CA8: variants seen among roughly 807,000 people sequenced by gnomAD.
CA8 encodes carbonic anhydrase 8 (inactive), also known as carbonic anhydrase-related protein.
In CA8, 22 loss-of-function variants were observed where a neutral mutation model predicts 41.4. The ratio of observed to expected loss-of-function variants is 0.53; its 90% CI spans 0.38 to 0.76. CA8 has a LOEUF of 0.76. CA8 is among the 30% of genes least tolerant of loss of function. CA8 has a pLI of 0.00. For synonymous variants in CA8, 121 were observed against 130.6 expected, an observed-to-expected ratio of 0.93 and a Z score of 0.50; for missense variants, 270 against 352.8, an observed-to-expected ratio of 0.77 and a Z score of 1.88.
At chr8:60,193,764 G>A (rs1054100558) in intron 8 of CA8, among the ~76,000 whole-genome samples, 1 of 152,074 alleles carries the variant, frequency 6.6e-6, no homozygotes, top group Non-Finnish European at 1.5e-5. Flanking sequence ...ATGGTGTCTT[G>A]GTGTGAGTGT....
chr8:60,267,545 G>C (rs1182966927), intron 2 of CA8, among the ~76,000 whole-genome samples: 1 of 152,122 alleles, frequency 6.6e-6, no homozygotes, highest in African/African-American at 2.4e-5. Context: ...CAAATCCAAG[G>C]GGATAGTCTC....
intron 2 of CA8, among the ~76,000 whole-genome samples, chr8:60,273,308 T>C (rs1216820396): frequency 2.0e-5 from 3 of 152,234 alleles, no homozygotes; most frequent in East Asian, 1.9e-4. Flanking sequence ...GCGGAGATCA[T>C]AGAACTTTTT....
At chr8:60,213,637 T>C (rs1457877041) in intron 7 of CA8, among the ~76,000 whole-genome samples, 2 of 152,240 alleles carry the variant, frequency 1.3e-5, no homozygotes, top group Non-Finnish European at 2.9e-5. Flanking sequence ...AGACTCAGTA[T>C]GAAAATAAGG....
At chr8:60,241,186 G>T (rs1268809660) in intron 3 of CA8, among the ~76,000 whole-genome samples, 1 of 152,200 alleles carries the variant, frequency 6.6e-6, no homozygotes, top group Admixed American at 6.5e-5. Context: ...CTATTATTCA[G>T]AGAAGGACGT....
intron 2 of CA8, among the ~76,000 whole-genome samples, chr8:60,272,222 T>C (rs1224230843): frequency 6.6e-6 from 1 of 152,148 alleles, no homozygotes; most frequent in Admixed American, 6.5e-5. Flanking sequence ...CAGAGATCAC[T>C]CCTGTGTCTT....
chr8:60,189,659 TC>T lies in CA8; in HGVS notation c.*361del, dbSNP rs1208110829. 6.6e-6 allele frequency: 1 copy of T among 152,526 alleles called. No individual in the cohort carries two copies. Among genetic ancestry groups the T allele is most frequent in the Non-Finnish European group, 1.5e-5 (1 of 67,996 alleles). The allele number at this position is 152,526 out of a possible 1,614,324, so 9.4% of individuals were successfully genotyped here. On this transcript the variant is annotated 3_prime_UTR_variant, in exon 9 of 9. Transcript: ENST00000317995. ...ACTACTAACACCGGGAATGTATTTT[TC>T]CTTTCTCAATATTAACACATGATAT...
intron 7 of CA8, 122 bp downstream of exon 7, chr8:60,222,527 T>G: frequency 1.4e-6 from 1 of 717,498 alleles, no homozygotes; most frequent in South Asian, 1.5e-5. Context: ...GCCATTTAAC[T>G]TTCATCTGGA....
chr8:60,272,256 C>A (rs987270529), intron 2 of CA8, among the ~76,000 whole-genome samples: 1 of 152,126 alleles, frequency 6.6e-6, no homozygotes, highest in Non-Finnish European at 1.5e-5. Context: ...ACTGACACTG[C>A]AATGCCTGTG....
chr8:60,244,529 A>G (rs1808152890), intron 3 of CA8, among the ~76,000 whole-genome samples: 1 of 152,222 alleles, frequency 6.6e-6, no homozygotes, highest in African/African-American at 2.4e-5. Context: ...AGCTCTTTTT[A>G]GTAATAAGCA....
chr8:60,279,323 CAG>C (rs1448324188), intron 2 of CA8, among the ~76,000 whole-genome samples: 3 of 152,166 alleles, frequency 2.0e-5, no homozygotes, highest in Admixed American at 1.3e-4. Context: ...AGTAGCAAAA[CAG>C]AGAATTATGA....
intron 7 of CA8, among the ~76,000 whole-genome samples, chr8:60,221,223 T>G (rs997402326): frequency 6.6e-6 from 1 of 152,198 alleles, no homozygotes; most frequent in African/African-American, 2.4e-5. Flanking sequence ...CTGAAATTAT[T>G]CCCTAAACCT....
At chr8:60,215,941 A>G (rs1356349106) in intron 7 of CA8, among the ~76,000 whole-genome samples, 1 of 152,358 alleles carries the variant, frequency 6.6e-6, no homozygotes, top group Non-Finnish European at 1.5e-5. Context: ...TCTTTCCACA[A>G]TAATATTCAG....
chr8:60,254,178 A>G (rs764103937), intron 3 of CA8, among the ~76,000 whole-genome samples: 2 of 152,226 alleles, frequency 1.3e-5, no homozygotes, highest in African/African-American at 4.8e-5. Context: ...TTTACATTCT[A>G]TATTTATCAC....
intron 3 of CA8, among the ~76,000 whole-genome samples, chr8:60,253,688 T>C (rs1291380101): frequency 6.6e-6 from 1 of 152,164 alleles, no homozygotes; most frequent in African/African-American, 2.4e-5. Context: ...TTACCTCTCG[T>C]GCCCCTTCCC....
intron 3 of CA8, among the ~76,000 whole-genome samples, chr8:60,248,331 C>T (rs928780786): frequency 1.3e-5 from 2 of 152,190 alleles, no homozygotes; most frequent in Admixed American, 6.5e-5. Flanking sequence ...TTGCCCATGC[C>T]TATGTCCTGA....
In CA8 at chr8:60,281,169, G is replaced by C. The variant is rs1371817731; in HGVS notation, c.-22C>G. 5 of 1,516,362 alleles carry C rather than the reference G, an allele frequency of 3.3e-6. No individual in the cohort carries two copies. The highest frequency in any genetic ancestry group is 3.6e-6 in the Non-Finnish European group (4 of 1,121,122). 93.9% of individuals were successfully genotyped at this position (1,516,362 alleles called of 1,614,324 possible). A position where few individuals can be genotyped will look rare whatever the true frequency, so the allele number is the denominator to read the frequency against. Reference sequence around the variant, plus strand: ...CCATGGGAAGGCCGCGGGGCCCCTCGGCGCTCTCGGCAGCAGTGCCTGCGC... The same window carrying C: ...CCATGGGAAGGCCGCGGGGCCCCTCCGCGCTCTCGGCAGCAGTGCCTGCGC... On this transcript the variant is annotated 5_prime_UTR_variant, in exon 1 of 9. Coordinates refer to ENST00000317995, the MANE Select transcript of CA8 (RefSeq NM_004056.6).
chr8:60,250,508 C>G (rs768735561), intron 3 of CA8, among the ~76,000 whole-genome samples: 6 of 152,198 alleles, frequency 3.9e-5, no homozygotes, highest in Admixed American at 6.6e-5. Context: ...TTTCCCCACA[C>G]TGGTTCTAAC....
rs574282861 is a variant in CA8 at position 60,269,556 on chromosome 8, G to T, written c.293-3507C>A. On this transcript the variant is annotated intron_variant, in intron 2 of 8. Coordinates refer to ENST00000317995, the MANE Select transcript of CA8 (RefSeq NM_004056.6). ...ACAAGAGCTCCCTGAGGAAGCTTTT[G>T]TAAGATCTGAAAACCCTATAAAGAC... 5.9e-5 allele frequency among the ~76,000 whole-genome samples: 9 copies of T among 152,314 alleles called. No homozygotes were observed. In the East Asian group the frequency reaches 1.7e-3, roughly 29 times the overall value.
intron 8 of CA8, chr8:60,208,142 A>C (rs1048480751): frequency 6.5e-6 from 1 of 152,944 alleles, no homozygotes; most frequent in African/African-American, 2.4e-5. Context: ...AAGAGTAAGG[A>C]ATACATACAT....
Sources: gnomAD v4.1 joint callset for allele counts (sites outside exome capture counted in the v4.1 genomes callset) on GRCh38, gnomAD v4.1.1 for gene constraint, MANE v1.5 for transcripts, NCBI Gene and HGNC (gene_info 2026-07-23, HGNC 2026-07-21) for gene names.